MCC: variants seen among roughly 807,000 people sequenced by gnomAD.
The protein encoded by MCC is MCC regulator of Wnt signaling pathway, also known as colorectal mutant cancer protein.
In MCC, 90 loss-of-function variants were observed where a neutral mutation model predicts 116.2. That is an observed-to-expected ratio of 0.77 (90% CI 0.65 to 0.92). The LOEUF (loss-of-function observed/expected upper bound fraction) is 0.92, where lower values mean the gene tolerates loss of function less well. Among genes scored for constraint, MCC ranks in the 40% least tolerant of loss-of-function variants. MCC has a pLI of 0.00. For missense variants in MCC, 1,516 were observed against 1,312.2 expected, an observed-to-expected ratio of 1.16 and a Z score of -2.40; for synonymous variants, 578 against 510.5, an observed-to-expected ratio of 1.13 and a Z score of -1.78.
chr5:113,083,072 C>G (rs1314097619), intron 10 of MCC, 64 bp from the exon 11 acceptor site: 1 of 1,490,138 alleles, frequency 6.7e-7, no homozygotes, highest in African/African-American at 1.4e-5. Context: ...GTTTTGCATG[C>G]AAAAGAATTT....
chr5:113,267,819 C>T (rs1400181374), intron 3 of MCC, among the ~76,000 whole-genome samples: 3 of 152,112 alleles, frequency 2.0e-5, no homozygotes, highest in Non-Finnish European at 2.9e-5. Flanking sequence ...CTAAAAACCA[C>T]GGAATTGTAT....
intron 17 of MCC, among the ~76,000 whole-genome samples, chr5:113,041,183 A>T (rs1378190557): frequency 1.3e-5 from 2 of 152,194 alleles, no homozygotes; most frequent in African/African-American, 2.4e-5. Context: ...ATAAATCAGG[A>T]AGGTAGTGAA....
intron 11 of MCC, among the ~76,000 whole-genome samples, chr5:113,074,788 G>GGGATTGAA (rs1466126897): frequency 6.6e-6 from 1 of 152,246 alleles, no homozygotes; most frequent in East Asian, 1.9e-4. Flanking sequence ...AAGCGTATCA[G>GGGATTGAA]GGATTGAAGA....
intron 2 of MCC, among the ~76,000 whole-genome samples, chr5:113,382,600 T>C (rs983979453): frequency 6.6e-6 from 1 of 152,154 alleles, no homozygotes; most frequent in Non-Finnish European, 1.5e-5. Flanking sequence ...TTAGGCTGAA[T>C]AGGGAGTTGT....
rs770384927 is a variant in MCC, at chr5:113,385,079, G to C, written c.304C>G (p.Arg102Gly). The change falls in exon 2 of 19, where the codon CGA becomes GGA. Residue 102 changes from arginine to glycine, a missense_variant. Coordinates refer to ENST00000408903, the MANE Select transcript of MCC (RefSeq NM_001085377.2). The part of the protein sequence containing the change: ...DFTRCRMQLV[R>G]EIRKEEVDLS... ...TCTACTTCCTCCTTCCTAATTTCTC[G>C]AACAAGCTGCATGCGGCATCTTGTG... The C allele has an allele frequency of 2.5e-6, 4 of 1,613,976 alleles. No homozygotes were observed. The highest frequency in any genetic ancestry group is 3.3e-5 in the Admixed American group (2 of 60,002).
rs1220871852 is a variant in MCC, at chr5:113,122,800, C to T, written c.911G>A (p.Arg304Gln). Residue 304 changes from arginine to glutamine, a missense_variant, in exon 6 of 19, where the codon CGA (arginine) becomes CAA (glutamine). Arg to Gln is a conservative substitution (Grantham distance 43, BLOSUM62 1). Transcript: ENST00000408903. ...GTGTTGGCTCTGGCTGAGTTCTGAT[C>T]GCAGTTCTGAGTACTCATCTTCCTC... ...IREEDEYSEL[R>Q]SELSQSQHEV... 8.1e-6 allele frequency: 13 copies of T among 1,613,944 alleles called. No homozygotes were observed. The highest frequency in any genetic ancestry group is 1.3e-5 in the African/African-American group (1 of 74,890).
At chr5:113,380,136 G>T (rs1475395581) in intron 2 of MCC, among the ~76,000 whole-genome samples, 1 of 152,182 alleles carries the variant, frequency 6.6e-6, no homozygotes, top group Non-Finnish European at 1.5e-5. Context: ...CCCTGCTGTA[G>T]ATGTGCTGTG....
chr5:113,401,621 C>T (rs932536352), intron 1 of MCC, among the ~76,000 whole-genome samples: 5 of 152,148 alleles, frequency 3.3e-5, no homozygotes, highest in Admixed American at 6.5e-5. Flanking sequence ...TCTGCTCACA[C>T]AGTTAGGGAC....
chr5:113,119,606 G>T (rs1757617014), intron 6 of MCC, among the ~76,000 whole-genome samples: 1 of 152,176 alleles, frequency 6.6e-6, no homozygotes, highest in Non-Finnish European at 1.5e-5. Flanking sequence ...CTCTAGGCTT[G>T]AAGGATTTGA....
intron 1 of MCC, among the ~76,000 whole-genome samples, chr5:113,443,297 TTGTC>T (rs1245162137): frequency 2.0e-5 from 3 of 152,178 alleles, no homozygotes; most frequent in African/African-American, 7.2e-5. Flanking sequence ...GGCTCTCTGT[TTGTC>T]TGTTACTGGT....
intron 3 of MCC, among the ~76,000 whole-genome samples, chr5:113,232,593 T>C (rs374843449): frequency 2.0e-5 from 3 of 152,206 alleles, no homozygotes; most frequent in African/African-American, 7.2e-5. Context: ...TTCAGATTAA[T>C]GCATAATTAT....
At chr5:113,125,029 C>T (rs1046686326) in intron 5 of MCC, among the ~76,000 whole-genome samples, 6 of 152,154 alleles carry the variant, frequency 3.9e-5, no homozygotes, top group African/African-American at 7.2e-5. Flanking sequence ...GAGCTGGGAA[C>T]GTGCAGAACT....
At chr5:113,054,398 T>C (rs986518399) in intron 14 of MCC, among the ~76,000 whole-genome samples, 1 of 152,188 alleles carries the variant, frequency 6.6e-6, no homozygotes, top group African/African-American at 2.4e-5. Context: ...AGATATTATA[T>C]ATGTAATAAA....
chr5:113,470,060 T>C (rs1295632666), intron 1 of MCC, among the ~76,000 whole-genome samples: 3 of 152,206 alleles, frequency 2.0e-5, no homozygotes, highest in African/African-American at 4.8e-5. Context: ...CCCTTTATTT[T>C]GAGCCTATGT....
At chr5:113,458,063 G>A (rs925054498) in intron 1 of MCC, among the ~76,000 whole-genome samples, 4 of 152,106 alleles carry the variant, frequency 2.6e-5, no homozygotes, top group Admixed American at 1.3e-4. Flanking sequence ...CAGACCACTC[G>A]GCTCTACCAA....
chr5:113,025,979 G>T lies in MCC; in HGVS notation c.*1323C>A. On this transcript the variant is annotated 3_prime_UTR_variant, in exon 19 of 19. Coordinates refer to ENST00000408903, the MANE Select transcript of MCC (RefSeq NM_001085377.2). ...ATAGGGAACTTTGGATGGATTCTCT[G>T]GTGCTACAGAAAAAAACAGTAAATG... 6.6e-6 allele frequency: 1 copy of T among 152,268 alleles called. No homozygotes were observed. The highest frequency in any genetic ancestry group is 1.5e-5 in the Non-Finnish European group (1 of 68,032). The allele number at this position is 152,268 out of a possible 1,614,324, so 9.4% of individuals were successfully genotyped here. A position where few individuals can be genotyped will look rare whatever the true frequency, so the allele number is the denominator to read the frequency against.
chr5:113,051,818 A>T (rs1449548878), intron 15 of MCC, among the ~76,000 whole-genome samples: 2 of 152,184 alleles, frequency 1.3e-5, no homozygotes, highest in Non-Finnish European at 2.9e-5. Flanking sequence ...GTATTACAAA[A>T]ACAGAAATTT....
At chr5:113,351,596 AAT>A (rs1768269548) in intron 2 of MCC, among the ~76,000 whole-genome samples, 1 of 152,140 alleles carries the variant, frequency 6.6e-6, no homozygotes, top group African/African-American at 2.4e-5. Flanking sequence ...TGTACAAAAA[AAT>A]AGTTAGAAAG....
intron 3 of MCC, among the ~76,000 whole-genome samples, chr5:113,167,561 A>C (rs745412223): frequency 2.2e-4 from 33 of 152,296 alleles, no homozygotes; most frequent in Non-Finnish European, 4.0e-4. Flanking sequence ...GAAACTCTCT[A>C]GACTTTTAAA....
Sources: gnomAD v4.1 joint callset for allele counts (sites outside exome capture counted in the v4.1 genomes callset) on GRCh38, gnomAD v4.1.1 for gene constraint, MANE v1.5 for transcripts, NCBI Gene and HGNC (gene_info 2026-07-23, HGNC 2026-07-21) for gene names.